The following EXPH5 variants were observed in gnomAD, a reference collection of about 807,000 sequenced individuals.
EXPH5 encodes the protein exophilin 5.
EXPH5 carries 42 observed loss-of-function variants against 41.1 expected under a neutral mutation model. The observed-to-expected ratio is 1.02, with a 90% CI of 0.80 to 1.32. EXPH5 has a LOEUF of 1.32. Among genes scored for constraint, EXPH5 ranks in the 40% most tolerant of loss-of-function variants. The pLI, the probability that EXPH5 is intolerant of heterozygous loss-of-function variation, is 0.00. For synonymous variants in EXPH5, 798 were observed against 833.5 expected (o/e 0.96, Z 0.73); for missense variants, 2,298 against 2,314.5 (o/e 0.99, Z 0.15).
At chr11:108,535,121 G>A (rs1385303432) in intron 3 of EXPH5, among the ~76,000 whole-genome samples, 1 of 152,188 alleles carries the variant, frequency 6.6e-6, no homozygotes, top group Non-Finnish European at 1.5e-5. Flanking sequence ...TTACCAGAGT[G>A]GGAGGAAGCT....
chr11:108,573,871 C>T (rs907254080), intron 1 of EXPH5, among the ~76,000 whole-genome samples: 4 of 151,882 alleles, frequency 2.6e-5, no homozygotes, highest in Non-Finnish European at 4.4e-5. Flanking sequence ...ATAGTGAGAC[C>T]TTGTCTTTAC....
At chr11:108,530,731 G>T (rs115801478) in intron 3 of EXPH5, among the ~76,000 whole-genome samples, 1 of 152,198 alleles carries the variant, frequency 6.6e-6, no homozygotes, top group Non-Finnish European at 1.5e-5. Context: ...AGAATGGCAG[G>T]TGTGTGGGAG....
At chr11:108,547,388 T>G (rs766605418) in intron 1 of EXPH5, among the ~76,000 whole-genome samples, 15 of 151,986 alleles carry the variant, frequency 9.9e-5, no homozygotes, top group Non-Finnish European at 1.8e-4. Flanking sequence ...GAGATGGAGA[T>G]CTCTACAAAA....
rs1286448616 is a variant in EXPH5, at chr11:108,508,300, A to T, written c.*1237T>A. 3.3e-5 allele frequency: 5 copies of T among 152,690 alleles called. No individual in the cohort carries two copies. Among genetic ancestry groups the T allele is most frequent in the Admixed American group, 2.0e-4 (3 of 15,292 alleles). The allele number at this position is 152,690 out of a possible 1,614,324, so 9.5% of individuals were successfully genotyped here. The stretch of plus-strand genomic sequence containing the variant: ...TGCCTGAGCTCAGGAGTTCGAGACC[A>T]GCCTGGGCAACACGGTGAAACCCCG... On this transcript the variant is annotated 3_prime_UTR_variant, in exon 6 of 6. Coordinates refer to ENST00000265843, the MANE Select transcript of EXPH5 (RefSeq NM_015065.3).
rs1353032441 is a variant in EXPH5, at chr11:108,507,145, C to G, written c.*2392G>C. 6.6e-6 allele frequency: 1 copy of G among 152,168 alleles called. No homozygotes were observed. The highest frequency in any genetic ancestry group is 2.4e-5 in the African/African-American group (1 of 41,430). 9.4% of individuals were successfully genotyped at this position (152,168 alleles called of 1,614,324 possible). A position where few individuals can be genotyped will look rare whatever the true frequency, so the allele number is the denominator to read the frequency against. ...TCACAATATTTGATTTTTGAGCTTT[C>G]TGAGCTCAGGATTGGTCAGAGCTTG... On this transcript the variant is annotated 3_prime_UTR_variant, in exon 6 of 6. Transcript: ENST00000265843.
the EXPH5 span, among the ~76,000 whole-genome samples, chr11:108,602,273 G>A: frequency 5.3e-5 from 8 of 152,186 alleles, no homozygotes; most frequent in Non-Finnish European, 1.5e-5. Flanking sequence ...TCATTCAACA[G>A]ATATTTATTA....
At chr11:108,571,917 G>A (rs549312624) in intron 1 of EXPH5, among the ~76,000 whole-genome samples, 4 of 151,964 alleles carry the variant, frequency 2.6e-5, no homozygotes, top group African/African-American at 9.7e-5. Context: ...GCGTGGTGGC[G>A]GGCGCCTGTA....
intron 1 of EXPH5, among the ~76,000 whole-genome samples, chr11:108,588,913 G>C (rs757900213): frequency 2.0e-5 from 3 of 152,188 alleles, no homozygotes; most frequent in Non-Finnish European, 2.9e-5. Flanking sequence ...CTGAGAGGAA[G>C]TTCTCCCTCA....
rs2093674958 is a variant in EXPH5 at position 108,510,851 on chromosome 11, GCTCT to G, written c.4652_4655del (p.Glu1551AlafsTer31). On this transcript the variant is annotated frameshift_variant, in exon 6 of 6. Coordinates refer to ENST00000265843, the MANE Select transcript of EXPH5 (RefSeq NM_015065.3). LOFTEE classifies it low-confidence loss of function (END_TRUNC). ...TCTGCATTTCATCTTCAGCCTTCCT[GCTCT>G]CTGTCATATTTGCCTCCTGACTTCT... 1 of 1,613,968 alleles carries G rather than the reference GCTCT, an allele frequency of 6.2e-7. No individual in the cohort carries two copies. The highest frequency in any genetic ancestry group is 1.1e-5 in the South Asian group (1 of 91,078).
chr11:108,547,402 GA>G (rs1199389922), intron 1 of EXPH5, among the ~76,000 whole-genome samples: 2 of 151,882 alleles, frequency 1.3e-5, no homozygotes. Flanking sequence ...TACAAAAGTA[GA>G]GAGGTCTCAC....
intron 1 of EXPH5, among the ~76,000 whole-genome samples, chr11:108,583,151 G>T (rs1336413183): frequency 6.6e-6 from 1 of 152,212 alleles, no homozygotes; most frequent in Middle Eastern, 3.4e-3. Flanking sequence ...GGGAGGCCAA[G>T]GTGAGCAGAT....
At chr11:108,585,239 AT>A (rs926939404) in intron 1 of EXPH5, among the ~76,000 whole-genome samples, 23 of 152,360 alleles carry the variant, frequency 1.5e-4, no homozygotes, top group Middle Eastern at 3.4e-3. Flanking sequence ...AAATAAAAAA[AT>A]ATTCAAAATA....
At position 108,512,415 on chromosome 11, in the gene EXPH5, A is replaced by G. The variant is rs1255353285; in HGVS notation, c.3092T>C (p.Ile1031Thr). 3.7e-6 allele frequency: 6 copies of G among 1,611,270 alleles called. No individual in the cohort carries two copies. The highest frequency in any genetic ancestry group is 2.2e-5 in the East Asian group (1 of 44,884). ...TLPRKSSSFL[I>T]HGRQSGSKIM... ...TTTACTTCCTGACTGCCTGCCATGT[A>G]TGAGAAAACTGCTTGATTTTCTTGG... Residue 1031 changes from isoleucine (I) to threonine (T), a missense_variant, in exon 6 of 6, where the codon ATA becomes ACA. Transcript: ENST00000265843.
At chr11:108,566,537 G>A (rs2136090915) in intron 1 of EXPH5, among the ~76,000 whole-genome samples, 1 of 152,248 alleles carries the variant, frequency 6.6e-6, no homozygotes, top group East Asian at 1.9e-4. Flanking sequence ...TTTTATTACA[G>A]TCTTGTGTCA....
At chr11:108,588,203 C>A (rs2094118900) in intron 1 of EXPH5, among the ~76,000 whole-genome samples, 1 of 152,180 alleles carries the variant, frequency 6.6e-6, no homozygotes. Flanking sequence ...AAATGGTTGC[C>A]AGCAATTTTT....
intron 4 of EXPH5, among the ~76,000 whole-genome samples, chr11:108,527,865 CA>C: frequency 6.6e-6 from 1 of 152,292 alleles, no homozygotes; most frequent in East Asian, 1.9e-4. Context: ...CAGGGCTGTA[CA>C]GGGGCAACAC....
At chr11:108,538,214 G>T in intron 3 of EXPH5, 6 of 985,414 alleles carry the variant, frequency 6.1e-6, no homozygotes, top group Non-Finnish European at 7.2e-6. Flanking sequence ...ATTTAGTGCT[G>T]CAATACACCG....
intron 1 of EXPH5, among the ~76,000 whole-genome samples, chr11:108,582,290 C>G (rs1225982314): frequency 6.6e-6 from 1 of 152,084 alleles, no homozygotes; most frequent in Non-Finnish European, 1.5e-5. Context: ...TGGTGAAACC[C>G]TGTCTCCACT....
At position 108,513,529 on chromosome 11, in the gene EXPH5, T is replaced by C; in HGVS notation, c.1978A>G (p.Lys660Glu). 6.2e-7 allele frequency: 1 copy of C among 1,614,248 alleles called. No individual in the cohort carries two copies. The highest frequency in any genetic ancestry group is 8.5e-7 in the Non-Finnish European group (1 of 1,180,038). ...TVTLQKIFPN[K>E]PASHPMRSHT... ...CTTCTCATTGGATGAGAGGCAGGCT[T>C]ATTTGGAAAAATTTTCTGCAAAGTG... is the stretch of plus-strand genomic sequence containing the variant. Residue 660 changes from lysine (K) to glutamate (E), a missense_variant, in exon 6 of 6, where the codon AAG (lysine) becomes GAG (glutamate). Coordinates refer to ENST00000265843, the MANE Select transcript of EXPH5 (RefSeq NM_015065.3).
Sources: allele counts gnomAD v4.1 joint callset (sites outside exome capture counted in the v4.1 genomes callset), GRCh38; gene constraint gnomAD v4.1.1; transcripts MANE v1.5; gene names NCBI Gene and HGNC (gene_info 2026-07-23, HGNC 2026-07-21).